Variants in COL18A1 observed in about 807,000 individuals in gnomAD.
COL18A1 encodes the protein collagen alpha-1(XVIII) chain.
A neutral mutation model predicts 168.0 loss-of-function variants in COL18A1; 133 were observed. That is an observed-to-expected ratio of 0.79 (90% CI 0.69 to 0.91). COL18A1 has a LOEUF of 0.91. Ranked by LOEUF, COL18A1 falls within the 40% of genes least tolerant of loss-of-function variation. COL18A1 has a pLI of 0.00. For synonymous variants in COL18A1, 949 were observed against 809.0 expected (o/e 1.17, Z -2.94); for missense variants, 2,126 against 1,925.4 (o/e 1.10, Z -1.95).
At chr21:45,493,852 C>T (rs534619204) in intron 26 of COL18A1, 30 of 500,072 alleles carry the variant, frequency 6.0e-5, no homozygotes, top group South Asian at 4.1e-4. Context: ...TCTGAGCTCG[C>T]GCCTCCCTGG....
intron 2 of COL18A1, among the ~76,000 whole-genome samples, chr21:45,437,065 G>A (rs1048918881): frequency 6.6e-6 from 1 of 151,978 alleles, no homozygotes; most frequent in Non-Finnish European, 1.5e-5. Flanking sequence ...GTGAGGGTGT[G>A]TGCTGTTCAC....
chr21:45,475,894 G>A (rs1215232140), intron 5 of COL18A1, among the ~76,000 whole-genome samples: 1 of 152,386 alleles, frequency 6.6e-6, no homozygotes, highest in East Asian at 1.9e-4. Flanking sequence ...TGAGCCTGAC[G>A]ACCAGGAGGA....
chr21:45,465,478 G>A (rs771829997), intron 2 of COL18A1, among the ~76,000 whole-genome samples: 5 of 152,230 alleles, frequency 3.3e-5, no homozygotes, highest in African/African-American at 4.8e-5. Context: ...ACTTCACTGC[G>A]TAAGTGCTAT....
At chr21:45,440,428 C>T (rs1042058342) in intron 2 of COL18A1, among the ~76,000 whole-genome samples, 2 of 152,212 alleles carry the variant, frequency 1.3e-5, no homozygotes, top group African/African-American at 2.4e-5. Flanking sequence ...CCAGGGCTGA[C>T]CCCTGGCTCC....
Position 45,451,031 on chromosome 21 carries a change from C to T in COL18A1, c.107-17211C>T, listed in dbSNP as rs558650882. Among the ~76,000 whole-genome samples the T allele has an allele frequency of 4.6e-5, 7 of 152,346 alleles. No individual in the cohort carries two copies. In the East Asian group the frequency reaches 5.8e-4, roughly 13 times the overall value. ...TGCCATCACCTCTGGAGACAGGGCC[C>T]GACTCTGCAGGACGGCACCAGTGGG... On this transcript the variant is annotated intron_variant, in intron 2 of 41. Coordinates refer to ENST00000651438, the MANE Select transcript of COL18A1 (RefSeq NM_001379500.1).
rs989505088 is a variant in COL18A1 at position 45,457,750 on chromosome 21, GTCC to G, written c.107-10486_107-10484del. The stretch of plus-strand genomic sequence containing the variant: ...CTATCCCCGCAGGGTGAGGTGCTCT[GTCC>G]TCCTCTGCTGTCCTCCCCATAGTGC... On this transcript the variant is annotated intron_variant, in intron 2 of 41. Transcript: ENST00000651438. This position sits in a 1 kb window ranked among gnomAD's most constrained non-coding sequence, Gnocchi z 4.6. 3.9e-5 allele frequency among the ~76,000 whole-genome samples: 6 copies of G among 152,202 alleles called. No individual in the cohort carries two copies. The highest frequency in any genetic ancestry group is 5.9e-5 in the Non-Finnish European group (4 of 68,044).
At position 45,455,764 on chromosome 21, in the gene COL18A1, C is replaced by A. The variant is rs537048520; in HGVS notation, c.107-12478C>A. ...CCACAGAGCCAGCGACAGCCCCTGG[C>A]AGCCCTGAGCCACCCTCAGAGCTGC... On this transcript the variant is annotated intron_variant, in intron 2 of 41. Coordinates refer to ENST00000651438, the MANE Select transcript of COL18A1 (RefSeq NM_001379500.1). 32 of 1,613,786 alleles carry A rather than the reference C, an allele frequency of 2.0e-5. No homozygotes were observed. Among genetic ancestry groups the A allele is most frequent in the African/African-American group, 8.0e-5 (6 of 75,062 alleles).
rs1568942109 is a variant in COL18A1, at chr21:45,505,187, A to T, written c.2922A>T (p.Gly974=). The T allele has an allele frequency of 6.2e-7, 1 of 1,604,146 alleles. No homozygotes were observed. The highest frequency in any genetic ancestry group is 1.1e-5 in the South Asian group (1 of 90,036). Residue 974 remains glycine (G), a synonymous_variant, in exon 35 of 42, where the codon GGA becomes GGT. Transcript: ENST00000651438. The stretch of plus-strand genomic sequence containing the variant: ...AGCCCGGCCCACCTGGACCTCAGGG[A>T]CCCCCCGGCATCGGCTACGAGGGGC... ...RGQPGPPGPQ[G]PPGIGYEGRQ...
chr21:45,436,001 A>G (rs1408287092), intron 2 of COL18A1, among the ~76,000 whole-genome samples: 1 of 152,136 alleles, frequency 6.6e-6, no homozygotes, highest in Non-Finnish European at 1.5e-5. Flanking sequence ...AGGGTGGCCA[A>G]TTCCTGCCCA....
chr21:45,508,085 TGGGTGAGTGGATGGATGGTGGTCAGGC>T (rs1446548396), intron 38 of COL18A1, among the ~76,000 whole-genome samples: 6 of 141,476 alleles, frequency 4.2e-5, no homozygotes, highest in South Asian at 2.4e-4. Context: ...GGTGGACAGG[TGGGTGAGTGGATGGATGGTGGTCAGGC>T]GGGTGAGTGG....
chr21:45,481,463 C>T (rs904655876), intron 13 of COL18A1, among the ~76,000 whole-genome samples: 36 of 152,162 alleles, frequency 2.4e-4, no homozygotes, highest in African/African-American at 8.2e-4. Context: ...CCATGACGTG[C>T]AGGGCAGGGA....
At position 45,443,854 on chromosome 21, in the gene COL18A1, C is replaced by T. The variant is rs911841037; in HGVS notation, c.107-24388C>T. ...TGCCTGCTGCATGATCCCCTAGATGCGTCCGAGGGACACTGGACATCTGGT... is the reference window on the plus strand; with the variant it reads ...TGCCTGCTGCATGATCCCCTAGATGTGTCCGAGGGACACTGGACATCTGGT... On this transcript the variant is annotated intron_variant, in intron 2 of 41. Coordinates refer to ENST00000651438, the MANE Select transcript of COL18A1 (RefSeq NM_001379500.1). The surrounding 1 kb of genome is among the most constrained non-coding windows in gnomAD (Gnocchi z 5.2). Among the ~76,000 whole-genome samples, 1 of 152,182 alleles carries T rather than the reference C, an allele frequency of 6.6e-6. No individual in the cohort carries two copies. The highest frequency in any genetic ancestry group is 1.5e-5 in the Non-Finnish European group (1 of 68,034).
chr21:45,447,195 T>C (rs1569293892), intron 2 of COL18A1, among the ~76,000 whole-genome samples: 1 of 149,964 alleles, frequency 6.7e-6, no homozygotes, highest in African/African-American at 2.4e-5. Flanking sequence ...AGGCCAGATC[T>C]TATATATATA....
At chr21:45,492,604 G>A (rs777150824) in intron 23 of COL18A1, 40 bp downstream of exon 23, 1 of 1,612,580 alleles carries the variant, frequency 6.2e-7, no homozygotes, top group Non-Finnish European at 8.5e-7. Flanking sequence ...GGCCTGCGGG[G>A]ACCTGGGTAC....
In COL18A1 at chr21:45,504,561, G is replaced by T. The variant is rs1406061421; in HGVS notation, c.2868+5G>T. The T allele has an allele frequency of 6.4e-7, 1 of 1,565,278 alleles. No individual in the cohort carries two copies. Among genetic ancestry groups the T allele is most frequent in the South Asian group, 1.2e-5 (1 of 86,030 alleles). ...CGTGGCTACCCTGGGATTCCAGTAAGTCCCAGCCTGTGCAGGCAGAGCCCA... is the reference window on the plus strand; with the variant it reads ...CGTGGCTACCCTGGGATTCCAGTAATTCCCAGCCTGTGCAGGCAGAGCCCA... On this transcript the variant is annotated splice_donor_5th_base_variant and intron_variant, in intron 34 of 41. Transcript: ENST00000651438.
chr21:45,478,783 C>G (rs1323318176), intron 9 of COL18A1, among the ~76,000 whole-genome samples: 1 of 152,160 alleles, frequency 6.6e-6, no homozygotes, highest in Non-Finnish European at 1.5e-5. Context: ...CGTTTCCAAG[C>G]ACAGTAATGA....
chr21:45,490,823 C>A lies in COL18A1; in HGVS notation c.2032-13C>A. ...TCTGTTGGTGATGAACCATTTCCTT[C>A]CTGTCTCTCCAGGGGCCAAAGGGAG... On this transcript the variant is annotated splice_polypyrimidine_tract_variant and intron_variant, in intron 20 of 41. Transcript: ENST00000651438. The A allele has an allele frequency of 1.3e-6, 2 of 1,550,066 alleles. No homozygotes were observed. Among genetic ancestry groups the A allele is most frequent in the Non-Finnish European group, 1.7e-6 (2 of 1,146,716 alleles).
chr21:45,434,324 G>A (rs1214539314), intron 2 of COL18A1, among the ~76,000 whole-genome samples: 1 of 152,176 alleles, frequency 6.6e-6, no homozygotes, highest in East Asian at 1.9e-4. Flanking sequence ...GCTGGGACGG[G>A]CGCAGGAGCT....
chr21:45,456,127 C>T lies in COL18A1; in HGVS notation c.107-12115C>T. 6.3e-7 allele frequency: 1 copy of T among 1,585,330 alleles called. No homozygotes were observed. The highest frequency in any genetic ancestry group is 8.6e-7 in the Non-Finnish European group (1 of 1,162,978). ...CCACCCCATCGCCTCCCTCCCTGGGCAGGCCCTGGGCACCACTCACGGGGC... is the reference window on the plus strand; with the variant it reads ...CCACCCCATCGCCTCCCTCCCTGGGTAGGCCCTGGGCACCACTCACGGGGC... On this transcript the variant is annotated intron_variant, in intron 2 of 41. Coordinates refer to ENST00000651438, the MANE Select transcript of COL18A1 (RefSeq NM_001379500.1).
Sources: gnomAD v4.1 joint callset for allele counts (sites outside exome capture counted in the v4.1 genomes callset) on GRCh38, gnomAD v4.1.1 for gene constraint, Gnocchi (gnomAD v3.1) non-coding constraint, MANE v1.5 for transcripts, NCBI Gene and HGNC (gene_info 2026-07-23, HGNC 2026-07-21) for gene names.